The following SLC24A2 variants were observed in gnomAD, a reference collection of about 807,000 sequenced individuals.
The protein encoded by SLC24A2 is sodium/potassium/calcium exchanger 2.
Under a neutral mutation model 62.0 loss-of-function variants are expected in SLC24A2, and 36 were observed. The ratio of observed to expected loss-of-function variants is 0.58; its 90% CI spans 0.44 to 0.77. The LOEUF is 0.77. SLC24A2 is among the 30% of genes least tolerant of loss of function. SLC24A2 has a pLI of 0.00. For missense variants in SLC24A2, 846 were observed against 817.9 expected, an observed-to-expected ratio of 1.03 and a Z score of -0.42; for synonymous variants, 358 against 294.0, an observed-to-expected ratio of 1.22 and a Z score of -2.23.
chr9:19,889,573 A>G, the SLC24A2 span, among the ~76,000 whole-genome samples: 4 of 152,090 alleles, frequency 2.6e-5, no homozygotes, highest in East Asian at 1.9e-4. Context: ...TGGGGTCCCC[A>G]TTGCTGCTTC....
At chr9:20,053,105 T>C in the SLC24A2 span, among the ~76,000 whole-genome samples, 8 of 152,178 alleles carry the variant, frequency 5.3e-5, no homozygotes, top group Admixed American at 2.6e-4. Context: ...TTGACAGCCA[T>C]CTTGTCTCTA....
At chr9:19,715,185 C>A (rs983839077) in intron 2 of SLC24A2, among the ~76,000 whole-genome samples, 1 of 152,136 alleles carries the variant, frequency 6.6e-6, no homozygotes, top group African/African-American at 2.4e-5. Flanking sequence ...ATTATAGATA[C>A]CTACAAAATA....
In SLC24A2 at chr9:19,672,876, T is replaced by C. The variant is rs113262632; in HGVS notation, c.931-50577A>G. ...TTCTTTTGGAGTTGATTTCCAATTT[T>C]ATTCCACTGTTGTCTGAGACAGTAC... On this transcript the variant is annotated intron_variant, in intron 2 of 10. Transcript: ENST00000341998. Among the ~76,000 whole-genome samples the C allele has an allele frequency of 3.2e-3, 463 of 146,788 alleles. 30 individuals carry two copies. Among genetic ancestry groups the C allele is most frequent in the Non-Finnish European group, 4.8e-3 (323 of 67,500 alleles).
chr9:20,184,891 G>A, the SLC24A2 span, among the ~76,000 whole-genome samples: 1 of 152,080 alleles, frequency 6.6e-6, no homozygotes, highest in East Asian at 1.9e-4. Context: ...AAAAAATGTG[G>A]CATATATACA....
the SLC24A2 span, among the ~76,000 whole-genome samples, chr9:20,174,491 C>T: frequency 2.7e-5 from 4 of 148,594 alleles, no homozygotes; most frequent in East Asian, 7.8e-4. Context: ...CTACAGCAAA[C>T]TGGAACAAAT....
At chr9:20,114,475 G>A in the SLC24A2 span, among the ~76,000 whole-genome samples, 1 of 152,006 alleles carries the variant, frequency 6.6e-6, no homozygotes, top group Admixed American at 6.6e-5. Context: ...GGAACTTCAT[G>A]ACATTACTGC....
chr9:20,190,105 T>G, the SLC24A2 span, among the ~76,000 whole-genome samples: 1 of 152,182 alleles, frequency 6.6e-6, no homozygotes, highest in Admixed American at 6.5e-5. Context: ...GGTTCATAGC[T>G]GTGTGAACCC....
At chr9:20,012,148 G>A in the SLC24A2 span, among the ~76,000 whole-genome samples, 1 of 152,174 alleles carries the variant, frequency 6.6e-6, no homozygotes, top group Non-Finnish European at 1.5e-5. Flanking sequence ...GATACCCACT[G>A]TATTAGTCCA....
At chr9:19,619,532 T>A (rs1817855932) in intron 4 of SLC24A2, 52 bp downstream of exon 4, 4 of 1,364,696 alleles carry the variant, frequency 2.9e-6, no homozygotes, top group Admixed American at 3.4e-5. Context: ...GAGAAGCCTT[T>A]TGGCATCCTT....
At chr9:19,794,746 C>G in the SLC24A2 span, among the ~76,000 whole-genome samples, 2 of 152,044 alleles carry the variant, frequency 1.3e-5, no homozygotes, top group East Asian at 1.9e-4. Context: ...GCTTCCTTGT[C>G]TCTCAGAGGC....
At chr9:20,300,071 A>G in the SLC24A2 span, among the ~76,000 whole-genome samples, 1 of 152,268 alleles carries the variant, frequency 6.6e-6, no homozygotes, top group Non-Finnish European at 1.5e-5. Flanking sequence ...AGAAAAATGC[A>G]TATGTAAATA....
the SLC24A2 span, among the ~76,000 whole-genome samples, chr9:20,302,481 T>G: frequency 6.6e-6 from 1 of 152,208 alleles, no homozygotes; most frequent in Non-Finnish European, 1.5e-5. Context: ...CTAATGACAG[T>G]GATGTGGAAC....
At chr9:20,035,924 T>C in the SLC24A2 span, among the ~76,000 whole-genome samples, 2 of 152,082 alleles carry the variant, frequency 1.3e-5, no homozygotes, top group Non-Finnish European at 2.9e-5. Context: ...TTGCCTGAAA[T>C]GGCTAGGGGT....
chr9:19,569,580 C>T (rs923772406), intron 7 of SLC24A2, among the ~76,000 whole-genome samples: 3 of 152,194 alleles, frequency 2.0e-5, no homozygotes, highest in African/African-American at 7.2e-5. Flanking sequence ...CCCTCAAGGC[C>T]TGCAACAACC....
chr9:20,022,613 A>T, the SLC24A2 span, among the ~76,000 whole-genome samples: 2 of 152,222 alleles, frequency 1.3e-5, no homozygotes, highest in Non-Finnish European at 2.9e-5. Flanking sequence ...TGGAATCATG[A>T]TGACTAAGTT....
At chr9:20,270,059 C>T in the SLC24A2 span, among the ~76,000 whole-genome samples, 1 of 152,148 alleles carries the variant, frequency 6.6e-6, no homozygotes. Flanking sequence ...ACTGGAGGGG[C>T]ATCTTGGCTT....
Position 19,510,556 on chromosome 9 carries a change from C to T in SLC24A2, c.*5597G>A, listed in dbSNP as rs564038614. On this transcript the variant is annotated 3_prime_UTR_variant, in exon 11 of 11. Transcript: ENST00000341998. Reference sequence around the variant, plus strand: ...TCATTGAGCTGGGTCACACCAGCATCTATGCTGGGATCTCCCCCGTAAGAG... The same window carrying T: ...TCATTGAGCTGGGTCACACCAGCATTTATGCTGGGATCTCCCCCGTAAGAG... The T allele has an allele frequency of 6.6e-6, 1 of 151,790 alleles. No individual in the cohort carries two copies. The highest frequency in any genetic ancestry group is 1.5e-5 in the Non-Finnish European group (1 of 67,990). 9.4% of individuals were successfully genotyped at this position (151,790 alleles called of 1,614,324 possible). A position where few individuals can be genotyped will look rare whatever the true frequency, so the allele number is the denominator to read the frequency against.
chr9:20,101,937 C>A, the SLC24A2 span, among the ~76,000 whole-genome samples: 1 of 152,240 alleles, frequency 6.6e-6, no homozygotes, highest in South Asian at 2.1e-4. Flanking sequence ...CACGTCTGAG[C>A]TTAACAGTGG....
At chr9:19,570,477 G>A (rs1488553732) in intron 7 of SLC24A2, among the ~76,000 whole-genome samples, 1 of 152,066 alleles carries the variant, frequency 6.6e-6, no homozygotes, top group African/African-American at 2.4e-5. Flanking sequence ...GATCATACCA[G>A]GTCATAATTA....
Sources: allele counts gnomAD v4.1 joint callset (sites outside exome capture counted in the v4.1 genomes callset), GRCh38; gene constraint gnomAD v4.1.1; transcripts MANE v1.5; gene names NCBI Gene and HGNC (gene_info 2026-07-23, HGNC 2026-07-21).